SRGAP3: variants seen among roughly 807,000 people sequenced by gnomAD.
The protein encoded by SRGAP3 is SLIT-ROBO Rho GTPase-activating protein 3.
SRGAP3 carries 39 observed loss-of-function variants against 121.1 expected under a neutral mutation model. That is an observed-to-expected ratio of 0.32 (90% confidence interval 0.25 to 0.42). The LOEUF is 0.42. SRGAP3 is among the 10% of genes least tolerant of loss of function. SRGAP3 has a pLI of 1.00. For missense variants in SRGAP3, 1,213 were observed against 1,470.6 expected (o/e 0.82, Z 2.86); for synonymous variants, 601 against 570.0 (o/e 1.05, Z -0.77).
chr3:9,031,103 C>T (rs1944458639), intron 12 of SRGAP3, among the ~76,000 whole-genome samples: 1 of 152,232 alleles, frequency 6.6e-6, no homozygotes, highest in African/African-American at 2.4e-5. Context: ...GTGTGAGCCA[C>T]TGCGCCTATC....
intron 3 of SRGAP3, among the ~76,000 whole-genome samples, chr3:9,095,064 G>A (rs909865583): frequency 2.0e-5 from 3 of 152,084 alleles, no homozygotes; most frequent in South Asian, 4.1e-4. Flanking sequence ...TGTAATCCCA[G>A]ACCATATCCG....
At chr3:9,323,023 A>T (rs1955462448) in intron 3 of SRGAP3, among the ~76,000 whole-genome samples, 3 of 151,942 alleles carry the variant, frequency 2.0e-5, no homozygotes, top group African/African-American at 7.2e-5. Flanking sequence ...TATAACACAG[A>T]TATGTCCCAG....
intron 1 of SRGAP3, chr3:9,348,523 C>T (rs1955947984): frequency 4.0e-6 from 3 of 754,740 alleles, no homozygotes; most frequent in Non-Finnish European, 4.9e-6. Context: ...GCTGGTACAA[C>T]ACCGACCTGA....
chr3:9,006,522 GATGA>G (rs1943090828), intron 18 of SRGAP3, among the ~76,000 whole-genome samples: 1 of 152,036 alleles, frequency 6.6e-6, no homozygotes, highest in Admixed American at 6.5e-5. Context: ...CAACGACATG[GATGA>G]ATCTCAGAAT....
Position 8,985,656 on chromosome 3 carries a change from G to A in SRGAP3, c.3163C>T (p.Pro1055Ser), listed in dbSNP as rs760093750. ...ARLAGAQLRP[P>S]PMRPVRPVVQ... Reference sequence around the variant, plus strand: ...ACCGGCCGCACGGGCCGCATGGGGGGCGGGCGGAGCTGGGCGCCAGCCAGG... The same window carrying A: ...ACCGGCCGCACGGGCCGCATGGGGGACGGGCGGAGCTGGGCGCCAGCCAGG... Residue 1055 changes from proline (P) to serine (S), a missense_variant, in exon 22 of 22, where the codon CCC becomes TCC. Coordinates refer to ENST00000383836, the MANE Select transcript of SRGAP3 (RefSeq NM_014850.4). This position sits in a 1 kb window ranked among gnomAD's most constrained non-coding sequence, Gnocchi z 5.1. 2.8e-5 allele frequency: 44 copies of A among 1,595,654 alleles called. No homozygotes were observed. Among genetic ancestry groups the A allele is most frequent in the Non-Finnish European group, 3.6e-5 (42 of 1,178,022 alleles).
intron 15 of SRGAP3, among the ~76,000 whole-genome samples, 197 bp downstream of exon 15, chr3:9,015,400 C>G (rs1317696635): frequency 6.6e-6 from 1 of 152,184 alleles, no homozygotes; most frequent in Non-Finnish European, 1.5e-5. Flanking sequence ...CCTTCTCTAC[C>G]CAGGGGGTGT....
chr3:9,147,344 T>C (rs1950058978), intron 1 of SRGAP3, among the ~76,000 whole-genome samples: 1 of 152,114 alleles, frequency 6.6e-6, no homozygotes, highest in Non-Finnish European at 1.5e-5. Flanking sequence ...GGGTTGATCA[T>C]ACTCCAGTCA....
Position 9,200,018 on chromosome 3 carries a change from C to A in SRGAP3, c.67+48867G>T, listed in dbSNP as rs980817721. On this transcript the variant is annotated intron_variant, in intron 1 of 21. Coordinates refer to ENST00000383836, the MANE Select transcript of SRGAP3 (RefSeq NM_014850.4). ...GTCACACTGTCAGGCCGTAGGTTGG[C>A]TAGTAACCAGGAAAATGGCATTTAA... Among the ~76,000 whole-genome samples the A allele has an allele frequency of 3.9e-5, 6 of 152,166 alleles. No homozygotes were observed. In the East Asian group the frequency reaches 1.2e-3, roughly 29 times the overall value.
At chr3:9,234,616 T>C (rs1441511080) in intron 1 of SRGAP3, among the ~76,000 whole-genome samples, 1 of 152,220 alleles carries the variant, frequency 6.6e-6, no homozygotes, top group South Asian at 2.1e-4. Flanking sequence ...CCTACAGAAA[T>C]CCAGGTCTTT....
intron 3 of SRGAP3, among the ~76,000 whole-genome samples, chr3:9,289,968 G>A (rs1056248201): frequency 6.6e-6 from 1 of 152,048 alleles, no homozygotes; most frequent in Non-Finnish European, 1.5e-5. Flanking sequence ...AAAATTAGCC[G>A]GGTGTCATGG....
At chr3:9,132,063 T>C (rs536641370) in intron 1 of SRGAP3, among the ~76,000 whole-genome samples, 45 of 152,256 alleles carry the variant, frequency 3.0e-4, no homozygotes, top group African/African-American at 1.1e-3. Context: ...CCAGCAATAG[T>C]AGGAAGATTC....
intron 1 of SRGAP3, among the ~76,000 whole-genome samples, chr3:9,174,975 T>C (rs1472795444): frequency 6.6e-6 from 1 of 152,102 alleles, no homozygotes; most frequent in Admixed American, 6.5e-5. Context: ...CTGGGAGGAC[T>C]GTGTGCAGGA....
At chr3:9,270,768 T>A (rs1248314470) in intron 3 of SRGAP3, among the ~76,000 whole-genome samples, 2 of 152,202 alleles carry the variant, frequency 1.3e-5, no homozygotes. Flanking sequence ...AGTTTCATCC[T>A]TCTTTTTTCC....
intron 1 of SRGAP3, among the ~76,000 whole-genome samples, chr3:9,141,947 A>C (rs1452135635): frequency 1.3e-5 from 2 of 152,256 alleles, no homozygotes; most frequent in African/African-American, 4.8e-5. Context: ...AAAAAATACA[A>C]AATCATTATC....
intron 1 of SRGAP3, among the ~76,000 whole-genome samples, chr3:9,166,970 C>A (rs1029108622): frequency 2.0e-5 from 3 of 152,148 alleles, no homozygotes; most frequent in Admixed American, 6.5e-5. Context: ...ACTAGAAACC[C>A]CCTCTTTCTA....
At chr3:9,046,153 C>A (rs1482954300) in intron 10 of SRGAP3, among the ~76,000 whole-genome samples, 1 of 151,538 alleles carries the variant, frequency 6.6e-6, no homozygotes, top group African/African-American at 2.4e-5. Flanking sequence ...AATGTCTACC[C>A]CCAAGTATAA....
At chr3:9,182,175 CAAAAAAA>C (rs34305216) in intron 1 of SRGAP3, among the ~76,000 whole-genome samples, 6 of 37,282 alleles carry the variant, frequency 1.6e-4, no homozygotes, top group Non-Finnish European at 8.5e-5. Flanking sequence ...GACTCTGTCT[CAAAAAAA>C]AAAAAAAAAA....
chr3:9,183,776 ACAC>A (rs1437948955), intron 1 of SRGAP3, among the ~76,000 whole-genome samples: 2 of 138,662 alleles, frequency 1.4e-5, no homozygotes, highest in African/African-American at 3.4e-5. Flanking sequence ...TAACACACAC[ACAC>A]ACACACACAC....
intron 4 of SRGAP3, among the ~76,000 whole-genome samples, chr3:9,075,450 CA>C (rs1946930641): frequency 6.6e-6 from 1 of 152,108 alleles, no homozygotes; most frequent in African/African-American, 2.4e-5. Flanking sequence ...GAGGGTGCCT[CA>C]AGGTGCTAAG....
Sources: allele counts gnomAD v4.1 joint callset (sites outside exome capture counted in the v4.1 genomes callset), GRCh38; gene constraint gnomAD v4.1.1; non-coding constraint Gnocchi (gnomAD v3.1); transcripts MANE v1.5; gene names NCBI Gene and HGNC (gene_info 2026-07-23, HGNC 2026-07-21).